The following NAALADL2 variants were observed in gnomAD, a reference collection of about 807,000 sequenced individuals.
NAALADL2 encodes inactive N-acetylated-alpha-linked acidic dipeptidase-like protein 2.
A neutral mutation model predicts 87.2 loss-of-function variants in NAALADL2; 76 were observed. The observed-to-expected ratio is 0.87, with a 90% CI of 0.72 to 1.05. The LOEUF is 1.05. NAALADL2 is among the 50% of genes least tolerant of loss of function. The pLI is 0.00. For missense variants in NAALADL2, 1,089 were observed against 945.8 expected (o/e 1.15, Z -1.99); for synonymous variants, 354 against 331.0 (o/e 1.07, Z -0.75).
intron 3 of NAALADL2, among the ~76,000 whole-genome samples, chr3:174,822,819 A>G (rs112502001): frequency 6.6e-6 from 1 of 152,308 alleles, no homozygotes; most frequent in South Asian, 2.1e-4. Context: ...GAATGATTGG[A>G]AAATGTATAA....
In NAALADL2 at chr3:175,667,227, G is replaced by GAA. The variant is rs1299767455; in HGVS notation, c.1896+39843_1896+39844dup. Among the ~76,000 whole-genome samples the GAA allele has an allele frequency of 4.1e-3, 517 of 126,854 alleles. 5 individuals carry two copies. The highest frequency in any genetic ancestry group is 0.018 in the African/African-American group (471 of 25,686). The allele number at this position is 126,854 out of a possible 152,430, so 83.2% of individuals were successfully genotyped here. ...AGAAAGAAAGAAAGAAAGAAAGAAA[G>GAA]AAAGAAAGAAAGAAAAAGAAAGAAA... On this transcript the variant is annotated intron_variant, in intron 11 of 13. Coordinates refer to ENST00000454872, the MANE Select transcript of NAALADL2 (RefSeq NM_207015.3).
At chr3:175,681,145 A>G (rs1169044646) in intron 11 of NAALADL2, among the ~76,000 whole-genome samples, 1 of 152,134 alleles carries the variant, frequency 6.6e-6, no homozygotes. Context: ...AACAGCCTTT[A>G]TAATTCTTAT....
At chr3:175,076,322 CTT>C (rs57449665) in intron 1 of NAALADL2, among the ~76,000 whole-genome samples, 4,443 of 127,364 alleles carry the variant, frequency 0.035, 203 homozygotes, top group African/African-American at 0.12. Flanking sequence ...GTATTTCATG[CTT>C]TTTTTTTTTT....
intron 9 of NAALADL2, among the ~76,000 whole-genome samples, chr3:175,551,922 CAAA>C (rs11456834): frequency 8.1e-5 from 10 of 122,726 alleles, no homozygotes; most frequent in Admixed American, 1.7e-4. Flanking sequence ...GACTCTGTCT[CAAA>C]AAAAAAAAAA....
At chr3:175,362,997 T>G (rs1765199054) in intron 5 of NAALADL2, among the ~76,000 whole-genome samples, 2 of 147,868 alleles carry the variant, frequency 1.4e-5, no homozygotes, top group African/African-American at 4.9e-5. Context: ...TATTGACATC[T>G]CAGTTTCTTT....
chr3:174,446,435 G>A (rs577999883), intron 1 of NAALADL2, among the ~76,000 whole-genome samples: 1 of 152,096 alleles, frequency 6.6e-6, no homozygotes, highest in East Asian at 1.9e-4. Context: ...TTAGTTTTAG[G>A]ATTTTAGCTA....
intron 1 of NAALADL2, among the ~76,000 whole-genome samples, chr3:175,043,502 G>A (rs1343938184): frequency 6.6e-6 from 1 of 152,186 alleles, no homozygotes; most frequent in East Asian, 1.9e-4. Flanking sequence ...CTCCCAAAGT[G>A]CTGGCGTTAC....
At chr3:175,594,584 G>C (rs538834719) in intron 10 of NAALADL2, among the ~76,000 whole-genome samples, 128 of 152,252 alleles carry the variant, frequency 8.4e-4, no homozygotes, top group African/African-American at 2.9e-3. Flanking sequence ...TTGCCAAACT[G>C]CTTTCCACAG....
At chr3:174,833,070 G>A (rs1425641816) in intron 3 of NAALADL2, among the ~76,000 whole-genome samples, 1 of 151,910 alleles carries the variant, frequency 6.6e-6, no homozygotes, top group African/African-American at 2.4e-5. Context: ...CTCAGAAATA[G>A]TATTAACTTT....
chr3:175,679,153 ACTT>A (rs1387744930), intron 11 of NAALADL2, among the ~76,000 whole-genome samples: 2 of 151,942 alleles, frequency 1.3e-5, no homozygotes, highest in African/African-American at 2.4e-5. Flanking sequence ...GGCCATTTTC[ACTT>A]CTTTTGTGAT....
chr3:175,805,115 C>G lies in NAALADL2; in HGVS notation c.*1912C>G, dbSNP rs762532273. 1 of 151,794 alleles carries G rather than the reference C, an allele frequency of 6.6e-6. No individual in the cohort carries two copies. Among genetic ancestry groups the G allele is most frequent in the Non-Finnish European group, 1.5e-5 (1 of 67,864 alleles). 9.4% of individuals were successfully genotyped at this position (151,794 alleles called of 1,614,324 possible). On this transcript the variant is annotated 3_prime_UTR_variant, in exon 14 of 14. Coordinates refer to ENST00000454872, the MANE Select transcript of NAALADL2 (RefSeq NM_207015.3). ...GCATGTAAGCCCAAAAGCTAGAAAG[C>G]CTTATATTTAACCAAAGGTTGATGT... is the stretch of plus-strand genomic sequence containing the variant.
intron 11 of NAALADL2, among the ~76,000 whole-genome samples, chr3:175,707,868 C>T (rs1279037910): frequency 5.3e-5 from 8 of 151,710 alleles, no homozygotes; most frequent in Non-Finnish European, 8.8e-5. Context: ...ATGATAGAAG[C>T]GCTGATGGAA....
At chr3:175,124,503 A>T (rs1303941168) in intron 2 of NAALADL2, 1 of 152,016 alleles carries the variant, frequency 6.6e-6, no homozygotes. Flanking sequence ...AATCACTTTT[A>T]TCAGGAAGAT....
intron 1 of NAALADL2, among the ~76,000 whole-genome samples, chr3:174,533,951 G>A (rs1390388522): frequency 1.3e-5 from 2 of 152,164 alleles, no homozygotes; most frequent in Non-Finnish European, 2.9e-5. Context: ...TGCAATTGTT[G>A]TGGTTGGATA....
At chr3:175,737,107 A>G (rs1173322675) in intron 11 of NAALADL2, among the ~76,000 whole-genome samples, 199 bp from the exon 12 acceptor site, 2 of 152,210 alleles carry the variant, frequency 1.3e-5, no homozygotes, top group Non-Finnish European at 2.9e-5. Flanking sequence ...GACGTGAAAA[A>G]GATACTGAGG....
intron 1 of NAALADL2, among the ~76,000 whole-genome samples, chr3:174,998,958 G>T (rs1747882770): frequency 2.0e-5 from 3 of 152,006 alleles, no homozygotes; most frequent in Admixed American, 2.0e-4. Flanking sequence ...ACTTTTATCA[G>T]AAAATCTCAT....
In NAALADL2 at chr3:175,467,182, G is replaced by A. The variant is rs1465428381; in HGVS notation, c.1531G>A (p.Glu511Lys). 3.7e-6 allele frequency: 6 copies of A among 1,611,760 alleles called. No individual in the cohort carries two copies. The highest frequency in any genetic ancestry group is 2.7e-5 in the African/African-American group (2 of 74,892). ...FGNIGSYEWG[E>K]DFKKVLQKNV... ...CAATATTGGCTCATATGAATGGGGA[G>A]AGGTAAAGCAAAATATACATTAATT... The change falls in exon 8 of 14, where the codon GAG (glutamate) becomes AAG (lysine). Residue 511 changes from glutamate (E) to lysine (K), a missense_variant and splice_region_variant. Physicochemically the swap from Glu to Lys is moderately conservative, Grantham distance 56 (BLOSUM62 1). Coordinates refer to ENST00000454872, the MANE Select transcript of NAALADL2 (RefSeq NM_207015.3).
At chr3:174,530,903 TGAAAG>T (rs1322300113) in intron 1 of NAALADL2, among the ~76,000 whole-genome samples, 1 of 152,228 alleles carries the variant, frequency 6.6e-6, no homozygotes, top group African/African-American at 2.4e-5. Context: ...CTTAAAATAT[TGAAAG>T]GAACAATAAT....
At chr3:174,484,930 T>G (rs1369511270) in intron 1 of NAALADL2, among the ~76,000 whole-genome samples, 1 of 152,014 alleles carries the variant, frequency 6.6e-6, no homozygotes, top group Non-Finnish European at 1.5e-5. Context: ...CCGGTAGTTG[T>G]GTCATTTATT....
Sources: allele counts gnomAD v4.1 joint callset (sites outside exome capture counted in the v4.1 genomes callset), GRCh38; gene constraint gnomAD v4.1.1; transcripts MANE v1.5; gene names NCBI Gene and HGNC (gene_info 2026-07-23, HGNC 2026-07-21).